The following ARHGAP26 variants were observed in gnomAD, a reference collection of about 807,000 sequenced individuals.
ARHGAP26 encodes the protein Rho GTPase activating protein 26, also known as rho GTPase-activating protein 26.
Under a neutral mutation model 104.8 loss-of-function variants are expected in ARHGAP26, and 38 were observed. That is an observed-to-expected ratio of 0.36 (90% CI 0.28 to 0.48). The LOEUF is 0.48. Ranked by LOEUF, ARHGAP26 falls within the 20% of genes least tolerant of loss-of-function variation. The probability of loss-of-function intolerance (pLI) is 0.99; values close to 1 mark genes in which losing one functional copy is unlikely to be tolerated. For synonymous variants in ARHGAP26, 341 were observed against 340.0 expected (o/e 1.00, Z -0.03); for missense variants, 704 against 947.9 (o/e 0.74, Z 3.38).
At position 142,873,492 on chromosome 5, in the gene ARHGAP26, A is replaced by G; in HGVS notation, c.247A>G (p.Ile83Val). The G allele has an allele frequency of 6.3e-7, 1 of 1,577,338 alleles. No homozygotes were observed. Among genetic ancestry groups the G allele is most frequent in the Non-Finnish European group, 8.6e-7 (1 of 1,165,152 alleles). ...GDAETDDEMC[I>V]ARSLQEFATV... ...TGCAGAAACAGATGATGAGATGTGTATAGGTAAGTCATAACTGTGCAGAAG... is the reference window on the plus strand; with the variant it reads ...TGCAGAAACAGATGATGAGATGTGTGTAGGTAAGTCATAACTGTGCAGAAG... Residue 83 changes from isoleucine (I) to valine (V), a missense_variant, in exon 2 of 23, where the codon ATA (isoleucine) becomes GTA (valine). Coordinates refer to ENST00000645722, the MANE Select transcript of ARHGAP26 (RefSeq NM_001135608.3).
chr5:143,113,604 A>G (rs1795040882), intron 17 of ARHGAP26, among the ~76,000 whole-genome samples: 1 of 152,336 alleles, frequency 6.6e-6, no homozygotes, highest in Non-Finnish European at 1.5e-5. Flanking sequence ...TATAAATGGA[A>G]TGCCATCATA....
At chr5:142,956,567 T>G (rs756015431) in intron 11 of ARHGAP26, among the ~76,000 whole-genome samples, 2 of 152,114 alleles carry the variant, frequency 1.3e-5, no homozygotes, top group Non-Finnish European at 2.9e-5. Flanking sequence ...ACAGAGAGCC[T>G]GTCTCAAACA....
chr5:143,032,884 G>A (rs1427758921), intron 12 of ARHGAP26, among the ~76,000 whole-genome samples: 4 of 152,174 alleles, frequency 2.6e-5, no homozygotes, highest in African/African-American at 9.7e-5. Flanking sequence ...GAGAGATGGG[G>A]GTCCCCAGGC....
intron 12 of ARHGAP26, among the ~76,000 whole-genome samples, chr5:143,029,818 A>G (rs1272960479): frequency 6.6e-6 from 1 of 152,210 alleles, no homozygotes; most frequent in Non-Finnish European, 1.5e-5. Context: ...AGAATTGACT[A>G]AATTTCCTGG....
intron 2 of ARHGAP26, 87 bp downstream of exon 2, chr5:142,873,582 A>G (rs891310397): frequency 5.8e-5 from 52 of 894,710 alleles, no homozygotes; most frequent in Non-Finnish European, 7.7e-5. Flanking sequence ...CTGAGATAGG[A>G]AGTCTCTAAG....
chr5:142,992,660 C>T (rs1374424184), intron 11 of ARHGAP26, among the ~76,000 whole-genome samples: 2 of 152,002 alleles, frequency 1.3e-5, no homozygotes, highest in African/African-American at 2.4e-5. Flanking sequence ...ATCTCCTGAC[C>T]TCGTGATCCG....
At chr5:142,919,822 C>T (rs1266678760) in intron 10 of ARHGAP26, among the ~76,000 whole-genome samples, 1 of 152,044 alleles carries the variant, frequency 6.6e-6, no homozygotes, top group Non-Finnish European at 1.5e-5. Flanking sequence ...CATGGCAAGA[C>T]CCTGTCTTTA....
intron 1 of ARHGAP26, among the ~76,000 whole-genome samples, chr5:142,852,974 A>G (rs1751782744): frequency 1.3e-5 from 2 of 151,970 alleles, no homozygotes; most frequent in South Asian, 4.2e-4. Flanking sequence ...CTGCTTTGAA[A>G]CCTTTGACCT....
chr5:142,787,800 G>A lies in ARHGAP26; in HGVS notation c.154+16885G>A, dbSNP rs1033153339. 3.3e-5 allele frequency among the ~76,000 whole-genome samples: 5 copies of A among 152,252 alleles called. No homozygotes were observed. The East Asian group carries it at 9.6e-4, about 29-fold the overall frequency. The stretch of plus-strand genomic sequence containing the variant: ...AATTATGCCTATAGTACTGATTAGA[G>A]ATTGTCATTTTGGTTTTATAGTCTT... On this transcript the variant is annotated intron_variant, in intron 1 of 22. Transcript: ENST00000645722.
intron 21 of ARHGAP26, chr5:143,207,532 C>T (rs987291669): frequency 3.2e-6 from 5 of 1,586,894 alleles, no homozygotes; most frequent in Admixed American, 3.4e-5. Flanking sequence ...CCAGGGACAA[C>T]AGGGGGCTGC....
intron 10 of ARHGAP26, among the ~76,000 whole-genome samples, chr5:142,928,460 C>T (rs1460665216): frequency 6.6e-6 from 1 of 152,104 alleles, no homozygotes. Flanking sequence ...CATTTAATCC[C>T]GTGCAGGAGC....
At chr5:143,108,141 GGAGGTGTTGCCACA>G (rs1377265692) in intron 17 of ARHGAP26, among the ~76,000 whole-genome samples, 1 of 152,218 alleles carries the variant, frequency 6.6e-6, no homozygotes, top group African/African-American at 2.4e-5. Context: ...CAAGGAGCTA[GGAGGTGTTGCCACA>G]GAGTTTCAGG....
chr5:143,155,573 G>A lies in ARHGAP26; in HGVS notation c.1988+8192G>A, dbSNP rs748665404. ...GACCTCACACTTGGTGACCCAGCAG[G>A]GTTTCTTTCCCAAGCACCAGGGACC... On this transcript the variant is annotated intron_variant, in intron 20 of 22. Transcript: ENST00000645722. Among the ~76,000 whole-genome samples, 6 of 152,250 alleles carry A rather than the reference G, an allele frequency of 3.9e-5. No homozygotes were observed. The East Asian group carries it at 1.2e-3, about 29-fold the overall frequency.
chr5:143,102,955 C>T (rs1793467569), intron 17 of ARHGAP26, among the ~76,000 whole-genome samples: 1 of 152,100 alleles, frequency 6.6e-6, no homozygotes, highest in Non-Finnish European at 1.5e-5. Context: ...TATAATGCCT[C>T]CCAAGTGCCA....
intron 20 of ARHGAP26, among the ~76,000 whole-genome samples, chr5:143,206,442 G>A (rs1808563353): frequency 6.6e-6 from 1 of 152,152 alleles, no homozygotes; most frequent in South Asian, 2.1e-4. Context: ...CTTTTGATTA[G>A]CTACCCGTCA....
Position 143,224,733 on chromosome 5 carries a change from T to A in ARHGAP26, c.*2287T>A, listed in dbSNP as rs1811522028. 4.4e-6 allele frequency: 1 copy of A among 228,830 alleles called. No homozygotes were observed. Among genetic ancestry groups the A allele is most frequent in the Non-Finnish European group, 8.7e-6 (1 of 115,364 alleles). 14.2% of individuals were successfully genotyped at this position (228,830 alleles called of 1,614,324 possible). On this transcript the variant is annotated 3_prime_UTR_variant, in exon 23 of 23. Transcript: ENST00000645722. ...GTTCTCAATGTGCTGCTGCTTTCCC[T>A]TCTCCTAAACATTTTAAAACTCTTC...
At chr5:142,798,453 G>A (rs559451788) in intron 1 of ARHGAP26, among the ~76,000 whole-genome samples, 1 of 152,222 alleles carries the variant, frequency 6.6e-6, no homozygotes, top group African/African-American at 2.4e-5. Context: ...TCATTGGTAG[G>A]CTTCTTTGGT....
intron 19 of ARHGAP26, 72 bp downstream of exon 19, chr5:143,134,177 A>G (rs1797671011): frequency 6.8e-7 from 1 of 1,470,058 alleles, no homozygotes; most frequent in East Asian, 2.4e-5. Flanking sequence ...CTCAGGGTGG[A>G]CACTTCCAGC....
intron 12 of ARHGAP26, among the ~76,000 whole-genome samples, chr5:143,023,011 G>A (rs1293450954): frequency 2.0e-5 from 3 of 152,172 alleles, no homozygotes; most frequent in African/African-American, 7.2e-5. Context: ...CCTCATTAGA[G>A]CCCTCAGTGG....
Sources: allele counts gnomAD v4.1 joint callset (sites outside exome capture counted in the v4.1 genomes callset), GRCh38; gene constraint gnomAD v4.1.1; transcripts MANE v1.5; gene names NCBI Gene and HGNC (gene_info 2026-07-23, HGNC 2026-07-21).